The following KMT2D variants were observed in gnomAD, a reference collection of about 807,000 sequenced individuals.
KMT2D encodes the protein lysine methyltransferase 2D, also known as histone-lysine N-methyltransferase 2D.
In KMT2D, 55 loss-of-function variants were observed where a neutral mutation model predicts 512.7. The ratio of observed to expected loss-of-function variants is 0.11; its 90% confidence interval spans 0.09 to 0.13. The LOEUF is 0.13. Ranked by LOEUF, KMT2D falls within the 10% of genes least tolerant of loss-of-function variation. The pLI is 1.00. For missense variants in KMT2D, 6,061 were observed against 7,127.9 expected, an observed-to-expected ratio of 0.85 and a Z score of 5.39; for synonymous variants, 2,995 against 2,904.0, an observed-to-expected ratio of 1.03 and a Z score of -1.01.
intron 15 of KMT2D, among the ~76,000 whole-genome samples, chr12:49,047,375 C>CTG (rs1323933691): frequency 1.3e-5 from 2 of 149,488 alleles, no homozygotes; most frequent in Non-Finnish European, 3.0e-5. Context: ...TAAAAAGAGA[C>CTG]TGTGGACCGA....
Position 49,038,550 on chromosome 12 carries a change from C to A in KMT2D, c.8806G>T (p.Ala2936Ser), listed in dbSNP as rs2120499956. 1 of 1,611,974 alleles carries A rather than the reference C, an allele frequency of 6.2e-7. No individual in the cohort carries two copies. Among genetic ancestry groups the A allele is most frequent in the Non-Finnish European group, 8.5e-7 (1 of 1,178,530 alleles). The change falls in exon 35 of 55, where the codon GCC becomes TCC. Residue 2936 changes from alanine to serine, a missense_variant. Coordinates refer to ENST00000301067, the MANE Select transcript of KMT2D (RefSeq NM_003482.4). This position sits in a 1 kb window ranked among gnomAD's most constrained non-coding sequence, Gnocchi z 5.7. The stretch of plus-strand genomic sequence containing the variant: ...TTGTTCAATTCAGGGGCCGGTGGGG[C>A]TGAGGGTTTCTGTGGGGGAAGACCT... ...VSGLPPQKPS[A>S]PPAPELNNSL... is the part of the protein sequence containing the mutation.
rs1942165828 is a variant in KMT2D at position 49,019,133 on chromosome 12, G to C, written c.*2647C>G. 8.8e-7 allele frequency: 1 copy of C among 1,142,730 alleles called. No individual in the cohort carries two copies. Among genetic ancestry groups the C allele is most frequent in the African/African-American group, 1.6e-5 (1 of 62,548 alleles). The allele number at this position is 1,142,730 out of a possible 1,614,324, so 70.8% of individuals were successfully genotyped here. Reference sequence around the variant, plus strand: ...AAGGACAGGGGCGCTGAGGGTGGAGGGAGAGAGGGCGCTTTAAAAAAGGGA... The same window carrying C: ...AAGGACAGGGGCGCTGAGGGTGGAGCGAGAGAGGGCGCTTTAAAAAAGGGA... On this transcript the variant is annotated 3_prime_UTR_variant, in exon 55 of 55. Transcript: ENST00000301067.
rs2120527610 is a variant in KMT2D at position 49,040,352 on chromosome 12, T to G, written c.7418A>C (p.Gln2473Pro). The G allele has an allele frequency of 1.3e-6, 2 of 1,565,362 alleles. No individual in the cohort carries two copies. Among genetic ancestry groups the G allele is most frequent in the Non-Finnish European group, 1.7e-6 (2 of 1,155,358 alleles). The part of the protein sequence containing the change: ...FAPLHKPPRP[Q>P]PPEVAFKAGS... ...AGCCTTAAAGGCAACTTCAGGGGGCTGGGGTCGGGGTGGCTTATGCAATGG... is the reference window on the plus strand; with the variant it reads ...AGCCTTAAAGGCAACTTCAGGGGGCGGGGGTCGGGGTGGCTTATGCAATGG... Residue 2473 changes from glutamine (Q) to proline (P), a missense_variant, in exon 32 of 55, where the codon CAG becomes CCG. Physicochemically the swap from Gln to Pro is moderately conservative, Grantham distance 76. Around this residue, in one of 16 missense-constraint regions of KMT2D, gnomAD observed 710 missense variants for 647.3 expected, o/e 1.10. Transcript: ENST00000301067.
Position 49,033,909 on chromosome 12 carries a change from T to A in KMT2D, c.10796A>T (p.Gln3599Leu). 6.5e-7 allele frequency: 1 copy of A among 1,543,802 alleles called. No homozygotes were observed. Among genetic ancestry groups the A allele is most frequent in the Non-Finnish European group, 8.7e-7 (1 of 1,144,334 alleles). The part of the protein sequence containing the change: ...TNLMAEYRNK[Q>L]QQQQQQQQQQ... Reference sequence around the variant, plus strand: ...CTGCTGCTGCTGCTGTTGTTGCTGCTGCTTGTTCCGATATTCTGCCATGAG... The same window carrying A: ...CTGCTGCTGCTGCTGTTGTTGCTGCAGCTTGTTCCGATATTCTGCCATGAG... The change falls in exon 40 of 55, where the codon CAG (glutamine) becomes CTG (leucine). Residue 3599 changes from glutamine (Q) to leucine (L), a missense_variant. Around this residue, in one of 16 missense-constraint regions of KMT2D, gnomAD observed 50 missense variants for 119.9 expected, o/e 0.42. Coordinates refer to ENST00000301067, the MANE Select transcript of KMT2D (RefSeq NM_003482.4).
Position 49,046,534 on chromosome 12 carries a change from G to C in KMT2D, c.4418+75C>G, listed in dbSNP as rs1225863688. 16 of 1,574,964 alleles carry C rather than the reference G, an allele frequency of 1.0e-5. No homozygotes were observed. Among genetic ancestry groups the C allele is most frequent in the Non-Finnish European group, 1.4e-5 (16 of 1,155,472 alleles). On this transcript the variant is annotated intron_variant, in intron 16 of 54. Transcript: ENST00000301067. This position sits in a 1 kb window ranked among gnomAD's most constrained non-coding sequence, Gnocchi z 4.2. ...GCCTGGCCTCCTAAACCCAGCCTCT[G>C]TCACATACTCAACATCATATCCACT... is the stretch of plus-strand genomic sequence containing the variant.
rs948980634 is a variant in KMT2D at position 49,037,992 on chromosome 12, C to T, written c.9364G>A (p.Val3122Met). 1 of 1,603,500 alleles carries T rather than the reference C, an allele frequency of 6.2e-7. No individual in the cohort carries two copies. The highest frequency in any genetic ancestry group is 8.5e-7 in the Non-Finnish European group (1 of 1,175,302). Residue 3122 changes from valine (V) to methionine (M), a missense_variant, in exon 35 of 55, where the codon GTG becomes ATG. This residue lies in a region of KMT2D where 533 missense variants were observed against 539.6 expected (regional missense o/e 0.99). Transcript: ENST00000301067. ...GAAGGGTGGCGTCCACCCTCCTCCA[C>T]CTTGGGCTTCACCTCAGGGAGCACA... ...ASVLPEVKPK[V>M]EEGGRHPSPC...
In KMT2D at chr12:49,042,479, G is replaced by A. The variant is rs1456979664; in HGVS notation, c.5867+82C>T. On this transcript the variant is annotated intron_variant, in intron 28 of 54. Coordinates refer to ENST00000301067, the MANE Select transcript of KMT2D (RefSeq NM_003482.4). The surrounding 1 kb of genome is among the most constrained non-coding windows in gnomAD (Gnocchi z 4.4). ...GAGGAGCAGGGGAAGTGCTGCAGGAGTCCGAGGGAGGCAAAGCATGAACTC... is the reference window on the plus strand; with the variant it reads ...GAGGAGCAGGGGAAGTGCTGCAGGAATCCGAGGGAGGCAAAGCATGAACTC... 2 of 1,538,886 alleles carry A rather than the reference G, an allele frequency of 1.3e-6. No individual in the cohort carries two copies. The highest frequency in any genetic ancestry group is 4.7e-5 in the East Asian group (2 of 42,130).
Position 49,038,602 on chromosome 12 carries a change from A to G in KMT2D, c.8754T>C (p.Pro2918=). The part of the protein sequence containing the change: ...PVSEDPHRLA[P]EGLRGLAVSG... ...ATACCGCCAGGCCCCGAAGCCCTTC[A>G]GGAGCCAGTCGGTGGGGGTCCTCAC... Residue 2918 remains proline, a synonymous_variant, in exon 35 of 55, where the codon CCT becomes CCC. Transcript: ENST00000301067. The surrounding 1 kb of genome is among the most constrained non-coding windows in gnomAD (Gnocchi z 5.7). The G allele has an allele frequency of 6.2e-7, 1 of 1,612,806 alleles. No homozygotes were observed. Among genetic ancestry groups the G allele is most frequent in the Non-Finnish European group, 8.5e-7 (1 of 1,179,466 alleles).
At position 49,051,437 on chromosome 12, in the gene KMT2D, T is replaced by G. The variant is rs1757597288; in HGVS notation, c.2246A>C (p.Glu749Ala). 6.2e-7 allele frequency: 1 copy of G among 1,610,496 alleles called. No individual in the cohort carries two copies. The change falls in exon 11 of 55, where the codon GAG becomes GCG. Residue 749 changes from glutamate (E) to alanine (A), a missense_variant. Physicochemically the swap from Glu to Ala is moderately radical, Grantham distance 107 (BLOSUM62 -1). This residue lies in a region of KMT2D where 848 missense variants were observed against 838.5 expected (regional missense o/e 1.01). Transcript: ENST00000301067. Reference sequence around the variant, plus strand: ...CTCAGGCCGGGGGGACAGGTGCGGCTCCTCAGGCCGGGGTGACAGGTGCGG... The same window carrying G: ...CTCAGGCCGGGGGGACAGGTGCGGCGCCTCAGGCCGGGGTGACAGGTGCGG... ...EGPHLSPRPEEPHLSPRPEEP... is the reference protein window; with the variant it reads ...EGPHLSPRPEAPHLSPRPEEP...
In KMT2D at chr12:49,038,643, G is replaced by A. The variant is rs1170466072; in HGVS notation, c.8713C>T (p.Arg2905Cys). 5 of 1,613,000 alleles carry A rather than the reference G, an allele frequency of 3.1e-6. No individual in the cohort carries two copies. The highest frequency in any genetic ancestry group is 2.7e-5 in the African/African-American group (2 of 74,892). ...FPGQGPPQRP[R>C]FYPVSEDPHR... Reference sequence around the variant, plus strand: ...GGGTCCTCACTTACAGGGTAAAAACGGGGTCTCTGAGGTGGGCCCTGACCA... The same window carrying A: ...GGGTCCTCACTTACAGGGTAAAAACAGGGTCTCTGAGGTGGGCCCTGACCA... Residue 2905 changes from arginine to cysteine, a missense_variant, in exon 35 of 55, where the codon CGT (arginine) becomes TGT (cysteine). Arg to Cys is a radical substitution (Grantham distance 180, BLOSUM62 -3). Around this residue, in one of 16 missense-constraint regions of KMT2D, gnomAD observed 527 missense variants for 578.9 expected, o/e 0.91. Transcript: ENST00000301067. This position sits in a 1 kb window ranked among gnomAD's most constrained non-coding sequence, Gnocchi z 5.7.
Position 49,033,785 on chromosome 12 carries a change from C to T in KMT2D, c.10920G>A (p.Gly3640=), listed in dbSNP as rs1247129554. The T allele has an allele frequency of 1.9e-5, 31 of 1,604,784 alleles. No homozygotes were observed. The East Asian group carries it at 6.9e-4, about 36-fold the overall frequency. ...CCGGAGGCCCCTGTGGTGGCTGCAGCCCATGGCCAGGGAGCAGCTGACCAG... is the reference window on the plus strand; with the variant it reads ...CCGGAGGCCCCTGTGGTGGCTGCAGTCCATGGCCAGGGAGCAGCTGACCAG... ...KLPGQLLPGH[G]LQPPQGPPGG... Residue 3640 remains glycine (G), a synonymous_variant, in exon 40 of 55, where the codon GGG becomes GGA. Coordinates refer to ENST00000301067, the MANE Select transcript of KMT2D (RefSeq NM_003482.4).
rs1942900844 is a variant in KMT2D, at chr12:49,031,360, G to A, written c.13345C>T (p.Leu4449Phe). Reference sequence around the variant, plus strand: ...TCTGAGCGAGGGCCTGCCAGCAGGAGGTGGTTGCTGGTTCCTGGTGCCCCT... The same window carrying A: ...TCTGAGCGAGGGCCTGCCAGCAGGAAGTGGTTGCTGGTTCCTGGTGCCCCT... ...PIGAPGTSNH[L>F]LLAGPRSEAG... The change falls in exon 40 of 55, where the codon CTC becomes TTC. Residue 4449 changes from leucine (L) to phenylalanine (F), a missense_variant. Leu to Phe is a conservative substitution (Grantham distance 22, BLOSUM62 0). Around this residue, in one of 16 missense-constraint regions of KMT2D, gnomAD observed 1,600 missense variants for 1,754.9 expected, o/e 0.91. Transcript: ENST00000301067. 2 of 1,613,520 alleles carry A rather than the reference G, an allele frequency of 1.2e-6. No homozygotes were observed. Among genetic ancestry groups the A allele is most frequent in the Admixed American group, 1.7e-5 (1 of 60,004 alleles).
rs770095362 is a variant in KMT2D, at chr12:49,049,182, G to A, written c.3943C>T (p.Arg1315Cys). 4 of 1,609,136 alleles carry A rather than the reference G, an allele frequency of 2.5e-6. No homozygotes were observed. Among genetic ancestry groups the A allele is most frequent in the Non-Finnish European group, 3.4e-6 (4 of 1,177,612 alleles). ...CCACGTCCTCCATGGGCTCCTCCACGAGGCCGGCGTCTTCCTGGGAAACTG... is the reference window on the plus strand; with the variant it reads ...CCACGTCCTCCATGGGCTCCTCCACAAGGCCGGCGTCTTCCTGGGAAACTG... ...SSSFPGRRRP[R>C]GGAHGGRGRG... Residue 1315 changes from arginine (R) to cysteine (C), a missense_variant, in exon 13 of 55, where the codon CGT (arginine) becomes TGT (cysteine). Arg to Cys is a radical substitution (Grantham distance 180). Transcript: ENST00000301067.
At position 49,028,933 on chromosome 12, in the gene KMT2D, C is replaced by T. The variant is rs1029840725; in HGVS notation, c.14277G>A (p.Gly4759=). ...IPVFPDTKPY[G]ALGLEVPGKL... ...TTCCAGGGACCTCCAGGCCAAGGGCCCCATAAGGTTTGGTATCTGGGAAGA... is the reference window on the plus strand; with the variant it reads ...TTCCAGGGACCTCCAGGCCAAGGGCTCCATAAGGTTTGGTATCTGGGAAGA... Residue 4759 remains glycine (G), a synonymous_variant, in exon 46 of 55, where the codon GGG becomes GGA. Coordinates refer to ENST00000301067, the MANE Select transcript of KMT2D (RefSeq NM_003482.4). 1.2e-6 allele frequency: 2 copies of T among 1,613,976 alleles called. No individual in the cohort carries two copies. Among genetic ancestry groups the T allele is most frequent in the South Asian group, 2.2e-5 (2 of 91,086 alleles).
chr12:49,036,999 T>C (rs1462196293), intron 35 of KMT2D, 126 bp downstream of exon 35: 2 of 1,269,242 alleles, frequency 1.6e-6, no homozygotes, highest in African/African-American at 1.5e-5. Flanking sequence ...ACTAGTATGA[T>C]ATTTAGCCAA....
chr12:49,030,206 A>G, intron 43 of KMT2D, 74 bp downstream of exon 43: 3 of 1,326,978 alleles, frequency 2.3e-6, no homozygotes, highest in Non-Finnish European at 3.1e-6. Flanking sequence ...TAATTTCTAA[A>G]CTGTACAGCA....
rs184377216 is a variant in KMT2D, at chr12:49,049,092, G to C, written c.4020+13C>G. 3.7e-3 allele frequency: 5,646 copies of C among 1,516,454 alleles called. 19 individuals are homozygous for C. Among genetic ancestry groups the C allele is most frequent in the Non-Finnish European group, 4.7e-3 (5,146 of 1,095,160 alleles). 93.9% of individuals were successfully genotyped at this position (1,516,454 alleles called of 1,614,324 possible). On this transcript the variant is annotated intron_variant, in intron 13 of 54. Coordinates refer to ENST00000301067, the MANE Select transcript of KMT2D (RefSeq NM_003482.4). ...TGGTTGGGGGATGGGAGGAATAGGA[G>C]GCATCTCCTTACTACCAGAGTCTCA...
chr12:49,031,476 G>A lies in KMT2D; in HGVS notation c.13229C>T (p.Ala4410Val), dbSNP rs1942907097. The A allele has an allele frequency of 6.2e-7, 1 of 1,613,584 alleles. No individual in the cohort carries two copies. Among genetic ancestry groups the A allele is most frequent in the Non-Finnish European group, 8.5e-7 (1 of 1,179,806 alleles). The change falls in exon 40 of 55, where the codon GCA becomes GTA. Residue 4410 changes from alanine (A) to valine (V), a missense_variant. This residue lies in a region of KMT2D where 1,600 missense variants were observed against 1,754.9 expected (regional missense o/e 0.91). Coordinates refer to ENST00000301067, the MANE Select transcript of KMT2D (RefSeq NM_003482.4). ...TTCCTGCTTGATGCTGAGTTGGGAT[G>A]CCTCAGGCACCACCTGTCCATTCAC... Reference protein sequence around the residue: ...DQVNGQVVPEASQLSIKQEPR... With the variant: ...DQVNGQVVPEVSQLSIKQEPR...
In KMT2D at chr12:49,048,039, G is replaced by A. The variant is rs767110613; in HGVS notation, c.4162C>T (p.Arg1388Trp). ...DMCVVCGSFG[R>W]GAEGHLLACS... is the part of the protein sequence containing the mutation. ...GCAAGGAGGTGGCCCTCTGCCCCCCGGCCAAAGCTGCCACATACCACACAC... is the reference window on the plus strand; with the variant it reads ...GCAAGGAGGTGGCCCTCTGCCCCCCAGCCAAAGCTGCCACATACCACACAC... Residue 1388 changes from arginine (R) to tryptophan (W), a missense_variant, in exon 15 of 55, where the codon CGG becomes TGG. By Grantham distance (101) the Arg-to-Trp change is moderately radical. This residue lies in a region of KMT2D where 53 missense variants were observed against 148.3 expected (regional missense o/e 0.36). Coordinates refer to ENST00000301067, the MANE Select transcript of KMT2D (RefSeq NM_003482.4). 26 of 1,609,036 alleles carry A rather than the reference G, an allele frequency of 1.6e-5. No homozygotes were observed. Among genetic ancestry groups the A allele is most frequent in the African/African-American group, 2.7e-5 (2 of 74,814 alleles).
Sources: allele counts gnomAD v4.1 joint callset (sites outside exome capture counted in the v4.1 genomes callset), GRCh38; gene constraint gnomAD v4.1.1; regional missense constraint gnomAD v4.1.1; non-coding constraint Gnocchi (gnomAD v3.1); transcripts MANE v1.5; gene names NCBI Gene and HGNC (gene_info 2026-07-23, HGNC 2026-07-21).